MAGI2: variants seen among roughly 807,000 people sequenced by gnomAD.
MAGI2 encodes the protein membrane associated guanylate kinase, WW and PDZ domain containing 2.
In MAGI2, 35 loss-of-function variants were observed where a neutral mutation model predicts 133.3. That is an observed-to-expected ratio of 0.26 (90% CI 0.20 to 0.35). MAGI2 has a LOEUF of 0.35. MAGI2 is among the 10% of genes least tolerant of loss of function. MAGI2 has a pLI of 1.00. For missense variants in MAGI2, 1,636 were observed against 1,863.4 expected, an observed-to-expected ratio of 0.88 and a Z score of 2.25; for synonymous variants, 729 against 710.6, an observed-to-expected ratio of 1.03 and a Z score of -0.41.
chr7:78,898,493 G>A (rs924266252), intron 2 of MAGI2, among the ~76,000 whole-genome samples: 1 of 152,178 alleles, frequency 6.6e-6, no homozygotes, highest in African/African-American at 2.4e-5. Flanking sequence ...ATGAGATCAT[G>A]TCCTTTGCAG....
chr7:79,400,992 A>G (rs924894301), intron 1 of MAGI2, among the ~76,000 whole-genome samples: 11 of 152,132 alleles, frequency 7.2e-5, no homozygotes, highest in Non-Finnish European at 1.0e-4. Context: ...GGGTATATTT[A>G]ACATATTTTT....
chr7:78,856,625 A>G (rs1793659290), intron 2 of MAGI2, among the ~76,000 whole-genome samples: 1 of 152,186 alleles, frequency 6.6e-6, no homozygotes, highest in Admixed American at 6.5e-5. Flanking sequence ...CTGGTTTGGT[A>G]CCAGTACTAT....
intron 20 of MAGI2, among the ~76,000 whole-genome samples, chr7:78,123,295 C>T (rs1326266117): frequency 6.6e-6 from 1 of 152,000 alleles, no homozygotes; most frequent in Admixed American, 6.6e-5. Flanking sequence ...AATATAGTAG[C>T]TCCCTCTCAT....
chr7:78,887,901 G>T (rs967003646), intron 2 of MAGI2, among the ~76,000 whole-genome samples: 2 of 152,158 alleles, frequency 1.3e-5, no homozygotes, highest in East Asian at 3.9e-4. Context: ...TGGGTGCAGC[G>T]CACCGAGCAT....
intron 1 of MAGI2, among the ~76,000 whole-genome samples, chr7:79,220,223 G>A (rs1324579953): frequency 6.6e-6 from 1 of 151,952 alleles, no homozygotes; most frequent in Admixed American, 6.5e-5. Context: ...GGCAGGGGAA[G>A]CAGGGAGGTG....
At chr7:78,846,410 A>T (rs915052482) in intron 2 of MAGI2, among the ~76,000 whole-genome samples, 10 of 151,940 alleles carry the variant, frequency 6.6e-5, no homozygotes, top group African/African-American at 2.4e-4. Flanking sequence ...TTCATGAGAA[A>T]TATAGAATGC....
chr7:78,897,332 A>ACAC (rs1328229379), intron 2 of MAGI2, among the ~76,000 whole-genome samples: 2 of 152,148 alleles, frequency 1.3e-5, no homozygotes, highest in Non-Finnish European at 2.9e-5. Flanking sequence ...TTTTATACTG[A>ACAC]TGGCACTCAT....
intron 1 of MAGI2, among the ~76,000 whole-genome samples, chr7:79,153,757 G>T (rs761133172): frequency 9.9e-5 from 15 of 152,156 alleles, no homozygotes; most frequent in Non-Finnish European, 1.9e-4. Flanking sequence ...ATGGAGGACA[G>T]GCTGAAGAGC....
At chr7:78,822,771 A>T (rs1046731800) in intron 2 of MAGI2, among the ~76,000 whole-genome samples, 1 of 152,184 alleles carries the variant, frequency 6.6e-6, no homozygotes, top group African/African-American at 2.4e-5. Context: ...TATTAAAATC[A>T]GAGATCTTAT....
chr7:78,407,385 T>TA (rs113171722), intron 6 of MAGI2, among the ~76,000 whole-genome samples: 3 of 150,842 alleles, frequency 2.0e-5, no homozygotes, highest in South Asian at 4.2e-4. Context: ...AAATATCAAA[T>TA]AAAAAAAAAG....
chr7:78,417,473 G>A (rs1332495724), intron 6 of MAGI2, among the ~76,000 whole-genome samples: 1 of 152,022 alleles, frequency 6.6e-6, no homozygotes, highest in African/African-American at 2.4e-5. Flanking sequence ...CCTCGTTAGT[G>A]CCACATCTAC....
At chr7:78,875,278 C>T (rs975961130) in intron 2 of MAGI2, among the ~76,000 whole-genome samples, 8 of 152,154 alleles carry the variant, frequency 5.3e-5, no homozygotes, top group Non-Finnish European at 1.2e-4. Context: ...CCAGAATATG[C>T]ACTCAGCTCG....
chr7:79,239,999 CCCAAAT>C (rs1164894072), intron 1 of MAGI2, among the ~76,000 whole-genome samples: 1 of 152,158 alleles, frequency 6.6e-6, no homozygotes, highest in African/African-American at 2.4e-5. Context: ...CCAATGAAAG[CCCAAAT>C]CCTTTCAACA....
chr7:78,586,245 T>G (rs1489268580), intron 3 of MAGI2, among the ~76,000 whole-genome samples: 1 of 152,180 alleles, frequency 6.6e-6, no homozygotes, highest in East Asian at 1.9e-4. Flanking sequence ...AAGAACTCTA[T>G]GCAATTAGTG....
At chr7:78,188,860 G>T (rs934544178) in intron 12 of MAGI2, among the ~76,000 whole-genome samples, 1 of 152,158 alleles carries the variant, frequency 6.6e-6, no homozygotes. Flanking sequence ...CGTGGGAAAA[G>T]GAGACTTGGA....
intron 1 of MAGI2, among the ~76,000 whole-genome samples, chr7:79,293,693 T>C (rs1836681454): frequency 6.6e-6 from 1 of 152,200 alleles, no homozygotes; most frequent in African/African-American, 2.4e-5. Flanking sequence ...GCAAGTAACT[T>C]AGCCAAAATC....
At chr7:79,118,493 T>C (rs921155165) in intron 1 of MAGI2, among the ~76,000 whole-genome samples, 9 of 152,166 alleles carry the variant, frequency 5.9e-5, no homozygotes, top group Non-Finnish European at 1.3e-4. Flanking sequence ...ATTTTAACCT[T>C]AGCTTTACTT....
chr7:78,834,746 T>C (rs974343389), intron 2 of MAGI2, among the ~76,000 whole-genome samples: 3 of 152,168 alleles, frequency 2.0e-5, no homozygotes, highest in African/African-American at 7.2e-5. Context: ...TAATCCGCAA[T>C]GTTGGAAGTA....
At chr7:78,175,407 A>G (rs1305024487) in intron 14 of MAGI2, among the ~76,000 whole-genome samples, 1 of 152,084 alleles carries the variant, frequency 6.6e-6, no homozygotes, top group Non-Finnish European at 1.5e-5. Context: ...CTGAGGTGCA[A>G]GTGTGAGTGG....
Sources: gnomAD v4.1 joint callset for allele counts (sites outside exome capture counted in the v4.1 genomes callset) on GRCh38, gnomAD v4.1.1 for gene constraint, MANE v1.5 for transcripts, NCBI Gene and HGNC (gene_info 2026-07-23, HGNC 2026-07-21) for gene names.